ALMS1: variants seen among roughly 807,000 people sequenced by gnomAD.
ALMS1 encodes the protein centrosome-associated protein ALMS1.
In ALMS1, 271 loss-of-function variants were observed where a neutral mutation model predicts 352.2. The observed-to-expected ratio is 0.77, with a 90% CI of 0.70 to 0.85. ALMS1 has a LOEUF of 0.85. Ranked by LOEUF, ALMS1 falls within the 40% of genes least tolerant of loss-of-function variation. The probability of loss-of-function intolerance (pLI) is 0.00; values close to 1 mark genes in which losing one functional copy is unlikely to be tolerated. For synonymous variants in ALMS1, 1,865 were observed against 1,761.2 expected (o/e 1.06, Z -1.48); for missense variants, 5,445 against 4,870.7 (o/e 1.12, Z -3.51).
chr2:73,576,157 A>G (rs1675050505), intron 16 of ALMS1, among the ~76,000 whole-genome samples: 1 of 152,098 alleles, frequency 6.6e-6, no homozygotes, highest in Admixed American at 6.5e-5. Context: ...TGGGCTCTCT[A>G]TTCTGTTAGT....
chr2:73,450,086 G>T lies in ALMS1; in HGVS notation c.3559G>T (p.Val1187Leu). The T allele has an allele frequency of 6.2e-7, 1 of 1,613,886 alleles. No individual in the cohort carries two copies. The highest frequency in any genetic ancestry group is 8.5e-7 in the Non-Finnish European group (1 of 1,179,922). ...TAACCAGAAGACTTGGATACCAAGA[G>T]TACTTTCTACCTTCTACTCACAAAG... ...PGNQKTWIPR[V>L]LSTFYSQREK... is the part of the protein sequence containing the mutation. The change falls in exon 8 of 23, where the codon GTA becomes TTA. Residue 1187 changes from valine to leucine, a missense_variant. Val to Leu is a conservative substitution (Grantham distance 32). Transcript: ENST00000613296.
intron 7 of ALMS1, among the ~76,000 whole-genome samples, chr2:73,438,737 AT>A (rs942826448): frequency 3.9e-5 from 6 of 152,212 alleles, no homozygotes; most frequent in African/African-American, 1.4e-4. Context: ...AATAGAAAAT[AT>A]CAAAAAAGAC....
intron 12 of ALMS1, among the ~76,000 whole-genome samples, chr2:73,540,085 TG>T (rs1674137396): frequency 6.6e-6 from 1 of 151,992 alleles, no homozygotes; most frequent in African/African-American, 2.4e-5. Context: ...TCACCAAAGT[TG>T]AAATGAAGGA....
intron 16 of ALMS1, among the ~76,000 whole-genome samples, chr2:73,592,212 A>G (rs1303181645): frequency 1.3e-5 from 2 of 152,222 alleles, no homozygotes; most frequent in African/African-American, 2.4e-5. Flanking sequence ...AAGATTTTCC[A>G]TAGTTTTCTG....
At chr2:73,538,922 G>A (rs1459627008) in intron 12 of ALMS1, among the ~76,000 whole-genome samples, 1 of 152,156 alleles carries the variant, frequency 6.6e-6, no homozygotes, top group Non-Finnish European at 1.5e-5. Context: ...ATACCTCAAG[G>A]ATGCCTGCCT....
chr2:73,428,476 A>G (rs943422539), intron 6 of ALMS1, among the ~76,000 whole-genome samples: 1 of 152,214 alleles, frequency 6.6e-6, no homozygotes, highest in Non-Finnish European at 1.5e-5. Flanking sequence ...GTTGAGTTCA[A>G]TAACAATGAG....
chr2:73,441,553 G>C (rs916579979), intron 7 of ALMS1, among the ~76,000 whole-genome samples: 1 of 152,116 alleles, frequency 6.6e-6, no homozygotes, highest in Admixed American at 6.6e-5. Context: ...ATGGCCCACA[G>C]ACAGCAGGCT....
intron 15 of ALMS1, among the ~76,000 whole-genome samples, chr2:73,560,543 C>T (rs989199124): frequency 1.3e-5 from 2 of 152,146 alleles, no homozygotes; most frequent in African/African-American, 2.4e-5. Context: ...ACTGCCACTG[C>T]TGGGCATATA....
At chr2:73,547,717 T>G (rs1383918920) in intron 12 of ALMS1, among the ~76,000 whole-genome samples, 1 of 152,206 alleles carries the variant, frequency 6.6e-6, no homozygotes, top group East Asian at 1.9e-4. Context: ...TGGTTTGATT[T>G]ATACTTGTAA....
chr2:73,562,410 G>A (rs755120447), intron 15 of ALMS1, among the ~76,000 whole-genome samples: 1 of 152,062 alleles, frequency 6.6e-6, no homozygotes, highest in Non-Finnish European at 1.5e-5. Context: ...GTATGTTTGC[G>A]ATAGTACTGA....
In ALMS1 at chr2:73,463,857, A is replaced by G. The variant is rs1162555319; in HGVS notation, c.7674+8562A>G. Among the ~76,000 whole-genome samples the G allele has an allele frequency of 2.7e-5, 4 of 150,590 alleles. No homozygotes were observed. In the East Asian group the frequency reaches 7.7e-4, roughly 29 times the overall value. The stretch of plus-strand genomic sequence containing the variant: ...ACTAGAAAATCTAGAAGAAATGGAC[A>G]AATTCTTTGACACATACACCCTCCC... On this transcript the variant is annotated intron_variant, in intron 9 of 22. Transcript: ENST00000613296.
At chr2:73,430,140 G>A (rs1316952833) in intron 6 of ALMS1, among the ~76,000 whole-genome samples, 2 of 149,686 alleles carry the variant, frequency 1.3e-5, no homozygotes, top group African/African-American at 2.5e-5. Flanking sequence ...GCAGTGGTGC[G>A]GTCTCAGCTC....
At chr2:73,511,512 G>A (rs1673451431) in intron 10 of ALMS1, among the ~76,000 whole-genome samples, 1 of 152,092 alleles carries the variant, frequency 6.6e-6, no homozygotes, top group African/African-American at 2.4e-5. Flanking sequence ...TGTCTAACCA[G>A]TCTCAATGAG....
In ALMS1 at chr2:73,424,844, A is replaced by T. The variant is rs765376715; in HGVS notation, c.1179A>T (p.Ser393=). 142 of 1,608,358 alleles carry T rather than the reference A, an allele frequency of 8.8e-5. No homozygotes were observed. Among genetic ancestry groups the T allele is most frequent in the Non-Finnish European group, 9.8e-5 (115 of 1,176,426 alleles). Residue 393 remains serine, a synonymous_variant, in exon 5 of 23, where the codon TCA becomes TCT. Transcript: ENST00000613296. ...KRSDHFDAAR[S]YGQYWTQEDS... ...GTGACCATTTTGATGCTGCTCGTTC[A>T]TATGGGCAGTATTGGACACAGGAAG...
chr2:73,453,195 T>A lies in ALMS1; in HGVS notation c.6668T>A (p.Leu2223Ter). 6.2e-7 allele frequency: 1 copy of A among 1,614,080 alleles called. No individual in the cohort carries two copies. Among genetic ancestry groups the A allele is most frequent in the Non-Finnish European group, 8.5e-7 (1 of 1,179,962 alleles). Residue 2223 changes from leucine to a stop codon, truncating the protein, a stop_gained, in exon 8 of 23, where the codon TTA becomes TAA. Coordinates refer to ENST00000613296, the MANE Select transcript of ALMS1 (RefSeq NM_001378454.1). LOFTEE classifies it high-confidence loss of function. Reference protein sequence around the residue: ...DSSVSSNNVLLNSQADDRVVI... With the variant: ...DSSVSSNNVL ...AGTGTTAGCTCAAATAATGTGCTTT[T>A]AAATTCTCAGGCTGATGACAGAGTT...
intron 9 of ALMS1, among the ~76,000 whole-genome samples, chr2:73,466,807 C>G (rs1195583905): frequency 1.3e-5 from 2 of 152,034 alleles, no homozygotes; most frequent in East Asian, 3.8e-4. Context: ...CTAGGACCTT[C>G]ATGACTGAGA....
At chr2:73,469,076 G>A (rs1243141911) in intron 9 of ALMS1, among the ~76,000 whole-genome samples, 2 of 151,764 alleles carry the variant, frequency 1.3e-5, no homozygotes, top group Non-Finnish European at 2.9e-5. Flanking sequence ...GACTTCTCTC[G>A]GCAGAATACT....
Position 73,602,204 on chromosome 2 carries a change from G to A in ALMS1, c.12134G>A (p.Arg4045Lys). 1 of 1,613,946 alleles carries A rather than the reference G, an allele frequency of 6.2e-7. No individual in the cohort carries two copies. The highest frequency in any genetic ancestry group is 2.2e-5 in the East Asian group (1 of 44,864). ...ATLQESLQFH[R>K]PDFISRSGER... ...TTTTAGGAATCGCTTCAGTTTCACA[G>A]ACCTGACTTCATCTCCCGCTCTGGG... Residue 4045 changes from arginine (R) to lysine (K), a missense_variant, in exon 20 of 23, where the codon AGA becomes AAA. Coordinates refer to ENST00000613296, the MANE Select transcript of ALMS1 (RefSeq NM_001378454.1).
chr2:73,522,668 C>A lies in ALMS1; in HGVS notation c.9781+2652C>A, dbSNP rs190318917. On this transcript the variant is annotated intron_variant, in intron 11 of 22. Coordinates refer to ENST00000613296, the MANE Select transcript of ALMS1 (RefSeq NM_001378454.1). The stretch of plus-strand genomic sequence containing the variant: ...ATTTTTAGTAGAGATGGAGTTTCAC[C>A]ATGTTGGCCAGGATGATCTCGATCT... Among the ~76,000 whole-genome samples, 3 of 152,172 alleles carry A rather than the reference C, an allele frequency of 2.0e-5. No individual in the cohort carries two copies. The East Asian group carries it at 5.8e-4, about 29-fold the overall frequency.
Sources: gnomAD v4.1 joint callset for allele counts (sites outside exome capture counted in the v4.1 genomes callset) on GRCh38, gnomAD v4.1.1 for gene constraint, MANE v1.5 for transcripts, NCBI Gene and HGNC (gene_info 2026-07-23, HGNC 2026-07-21) for gene names.